CATSPERB: variants seen among roughly 807,000 people sequenced by gnomAD.
CATSPERB encodes catsper channel auxiliary subunit beta, also known as cation channel sperm-associated auxiliary subunit beta.
CATSPERB carries 93 observed loss-of-function variants against 128.3 expected under a neutral mutation model. The observed-to-expected ratio is 0.72, with a 90% CI of 0.61 to 0.86. CATSPERB has a LOEUF of 0.86. CATSPERB is among the 40% of genes least tolerant of loss of function. The pLI is 0.00. For missense variants in CATSPERB, 1,153 were observed against 1,329.5 expected, an observed-to-expected ratio of 0.87 and a Z score of 2.06; for synonymous variants, 381 against 448.8, an observed-to-expected ratio of 0.85 and a Z score of 1.91.
chr14:91,667,037 C>T (rs1284757488), intron 14 of CATSPERB, among the ~76,000 whole-genome samples: 1 of 152,214 alleles, frequency 6.6e-6, no homozygotes, highest in Non-Finnish European at 1.5e-5. Flanking sequence ...TGAAAGTAAG[C>T]CTCTTCCCCC....
chr14:91,650,623 T>G (rs921184931), intron 15 of CATSPERB, among the ~76,000 whole-genome samples: 1 of 152,186 alleles, frequency 6.6e-6, no homozygotes, highest in Admixed American at 6.5e-5. Flanking sequence ...TTTGTTTTGC[T>G]TTTAGTTAAA....
At chr14:91,635,294 A>G (rs990346946) in intron 17 of CATSPERB, among the ~76,000 whole-genome samples, 1 of 152,082 alleles carries the variant, frequency 6.6e-6, no homozygotes, top group Admixed American at 6.6e-5. Context: ...GTTTCTGGTA[A>G]TCTGAAATTG....
chr14:91,671,003 CA>C (rs756173338), intron 13 of CATSPERB, among the ~76,000 whole-genome samples: 2 of 151,534 alleles, frequency 1.3e-5, no homozygotes, highest in Admixed American at 6.6e-5. Flanking sequence ...TGTCTCAAAA[CA>C]AAAAAATGCC....
intron 15 of CATSPERB, among the ~76,000 whole-genome samples, chr14:91,656,142 G>A (rs1743101): frequency 0.2 from 30,873 of 151,892 alleles, 3,342 homozygotes; most frequent in African/African-American, 0.25. Context: ...GAAACCTGAG[G>A]GATTTCATCA....
intron 24 of CATSPERB, among the ~76,000 whole-genome samples, chr14:91,588,716 T>C (rs552002435): frequency 3.7e-4 from 56 of 152,200 alleles, no homozygotes; most frequent in Admixed American, 2.6e-4. Context: ...AAGCTACAAA[T>C]GGTTTAACAT....
chr14:91,626,269 T>C (rs1421092539), intron 17 of CATSPERB, among the ~76,000 whole-genome samples: 1 of 152,084 alleles, frequency 6.6e-6, no homozygotes, highest in Non-Finnish European at 1.5e-5. Flanking sequence ...AAAAAAATTA[T>C]GTTAAAATAT....
At position 91,731,426 on chromosome 14, in the gene CATSPERB, G is replaced by A. The variant is rs114928020; in HGVS notation, c.-1+504C>T. ...AAAAACATAGACTTTAGCCTAAGAC[G>A]AAGTCTGTCCATCGAAATATTTGAT... is the stretch of plus-strand genomic sequence containing the variant. On this transcript the variant is annotated intron_variant, in intron 1 of 26. Transcript: ENST00000256343. Among the ~76,000 whole-genome samples, 798 of 152,240 alleles carry A rather than the reference G, an allele frequency of 5.2e-3. 7 individuals carry two copies. The highest frequency in any genetic ancestry group is 0.018 in the African/African-American group (744 of 41,540).
At chr14:91,601,170 A>C (rs534912491) in intron 22 of CATSPERB, among the ~76,000 whole-genome samples, 23 of 152,314 alleles carry the variant, frequency 1.5e-4, no homozygotes, top group Non-Finnish European at 2.4e-4. Context: ...GTAATTCACA[A>C]ATGCTTAACA....
At chr14:91,627,203 G>C (rs1033685891) in intron 17 of CATSPERB, among the ~76,000 whole-genome samples, 6 of 152,082 alleles carry the variant, frequency 3.9e-5, no homozygotes, top group Non-Finnish European at 7.4e-5. Context: ...TTAGTAATTG[G>C]TACCTTACTA....
At chr14:91,659,759 T>C in intron 15 of CATSPERB, 78 bp downstream of exon 15, 1 of 1,385,158 alleles carries the variant, frequency 7.2e-7, no homozygotes, top group Non-Finnish European at 9.9e-7. Flanking sequence ...ATTAGTTGAT[T>C]AATACGGCAG....
chr14:91,600,647 T>C (rs562912825), intron 22 of CATSPERB, among the ~76,000 whole-genome samples: 26 of 152,370 alleles, frequency 1.7e-4, no homozygotes, highest in South Asian at 6.2e-4. Flanking sequence ...CACTTTCCTA[T>C]GGAATAATTT....
intron 26 of CATSPERB, among the ~76,000 whole-genome samples, chr14:91,582,844 T>C (rs1893227925): frequency 6.6e-6 from 1 of 152,152 alleles, no homozygotes; most frequent in Non-Finnish European, 1.5e-5. Flanking sequence ...CACTCTTCAA[T>C]TGTTAGTGTT....
At chr14:91,728,352 G>T (rs1007461549) in intron 2 of CATSPERB, among the ~76,000 whole-genome samples, 1 of 152,048 alleles carries the variant, frequency 6.6e-6, no homozygotes, top group Non-Finnish European at 1.5e-5. Flanking sequence ...TGGGCTCAAG[G>T]TATCCTCCTG....
chr14:91,657,969 G>A (rs149571913), intron 15 of CATSPERB, among the ~76,000 whole-genome samples: 257 of 152,206 alleles, frequency 1.7e-3, no homozygotes, highest in Non-Finnish European at 2.9e-3. Context: ...ATGAAGAATA[G>A]TTTGGAGGTT....
At chr14:91,608,681 C>A (rs895284283) in intron 21 of CATSPERB, among the ~76,000 whole-genome samples, 2 of 152,078 alleles carry the variant, frequency 1.3e-5, no homozygotes, top group African/African-American at 2.4e-5. Context: ...AGTGATGTAT[C>A]ATAGTTAGTA....
At chr14:91,681,050 C>T (rs1404365453) in intron 11 of CATSPERB, among the ~76,000 whole-genome samples, 2 of 152,162 alleles carry the variant, frequency 1.3e-5, no homozygotes, top group African/African-American at 4.8e-5. Context: ...AGTCTCCCCA[C>T]AAGGTAAACG....
chr14:91,680,689 C>A (rs971572601), intron 11 of CATSPERB, among the ~76,000 whole-genome samples: 2 of 151,782 alleles, frequency 1.3e-5, no homozygotes, highest in Admixed American at 6.6e-5. Context: ...GTAGTCATAC[C>A]ACCCCAGCAT....
chr14:91,688,064 T>A (rs1373907775), intron 10 of CATSPERB, among the ~76,000 whole-genome samples: 1 of 152,174 alleles, frequency 6.6e-6, no homozygotes, highest in African/African-American at 2.4e-5. Context: ...GCATTTCTTA[T>A]CACTAGTCCT....
chr14:91,646,749 G>C (rs1345597576), intron 15 of CATSPERB, among the ~76,000 whole-genome samples: 1 of 152,154 alleles, frequency 6.6e-6, no homozygotes, highest in Non-Finnish European at 1.5e-5. Flanking sequence ...TGCCTGTCTA[G>C]ACTAATTCAG....
Sources: allele counts gnomAD v4.1 joint callset (sites outside exome capture counted in the v4.1 genomes callset), GRCh38; gene constraint gnomAD v4.1.1; transcripts MANE v1.5; gene names NCBI Gene and HGNC (gene_info 2026-07-23, HGNC 2026-07-21).